INIP: variants seen among roughly 807,000 people sequenced by gnomAD.
INIP encodes the protein SOSS complex subunit C.
In INIP, 9 loss-of-function variants were observed where a neutral mutation model predicts 14.0. The ratio of observed to expected loss-of-function variants is 0.64; its 90% confidence interval spans 0.39 to 1.12. The LOEUF (loss-of-function observed/expected upper bound fraction) is 1.12. Among genes scored for constraint, INIP ranks in the 50% most tolerant of loss-of-function variants. The probability of loss-of-function intolerance (pLI) is 0.01; values close to 1 mark genes in which losing one functional copy is unlikely to be tolerated. For missense variants in INIP, 78 were observed against 122.7 expected, an observed-to-expected ratio of 0.64 and a Z score of 1.72; for synonymous variants, 37 against 41.5, an observed-to-expected ratio of 0.89 and a Z score of 0.41.
intron 2 of INIP, among the ~76,000 whole-genome samples, chr9:112,694,868 T>C (rs1838020139): frequency 6.6e-6 from 1 of 152,194 alleles, no homozygotes; most frequent in Non-Finnish European, 1.5e-5. Context: ...CTTTGTCAAA[T>C]ACTTAATACT....
chr9:112,704,098 A>T (rs552658930), intron 2 of INIP, among the ~76,000 whole-genome samples: 2 of 152,314 alleles, frequency 1.3e-5, no homozygotes, highest in East Asian at 3.9e-4. Context: ...AGGGTAGGGT[A>T]GTTACAAAGA....
chr9:112,695,946 G>A lies in INIP; in HGVS notation c.26-1713C>T, dbSNP rs143999422. Reference sequence around the variant, plus strand: ...TCTGTAGCCCAGACTGGAGTGCAGTGGTGTGATCATATCTCACTGCAGCCT... The same window carrying A: ...TCTGTAGCCCAGACTGGAGTGCAGTAGTGTGATCATATCTCACTGCAGCCT... On this transcript the variant is annotated intron_variant, in intron 2 of 4. Coordinates refer to ENST00000374242, the MANE Select transcript of INIP (RefSeq NM_021218.3). 2.0e-5 allele frequency among the ~76,000 whole-genome samples: 3 copies of A among 152,200 alleles called. No individual in the cohort carries two copies. In the East Asian group the frequency reaches 5.8e-4, roughly 29 times the overall value.
chr9:112,700,927 C>A (rs186365301), intron 2 of INIP, among the ~76,000 whole-genome samples: 1 of 151,824 alleles, frequency 6.6e-6, no homozygotes, highest in Admixed American at 6.6e-5. Flanking sequence ...TTCCAACCTG[C>A]GCAAAAGAGA....
intron 2 of INIP, among the ~76,000 whole-genome samples, chr9:112,713,756 C>T (rs560507705): frequency 1.4e-4 from 21 of 152,098 alleles, no homozygotes; most frequent in South Asian, 1.3e-3. Context: ...TTTGGGAGGC[C>T]GAGGCAGGCG....
In INIP at chr9:112,687,029, A is replaced by G. The variant is rs1423538679; in HGVS notation, c.*509T>C. The G allele has an allele frequency of 2.6e-5, 4 of 152,350 alleles. No homozygotes were observed. The highest frequency in any genetic ancestry group is 7.2e-5 in the African/African-American group (3 of 41,466). The allele number at this position is 152,350 out of a possible 1,614,324, so 9.4% of individuals were successfully genotyped here. A position where few individuals can be genotyped will look rare whatever the true frequency, so the allele number is the denominator to read the frequency against. ...TAAAGTGAAAAAGGGGGAAGTAGTT[A>G]TAAGTCCAGAAAGAATATTTCAGGA... On this transcript the variant is annotated 3_prime_UTR_variant, in exon 5 of 5. Coordinates refer to ENST00000374242, the MANE Select transcript of INIP (RefSeq NM_021218.3).
chr9:112,689,946 T>TATATAGTAAAG (rs1484073805), intron 3 of INIP, among the ~76,000 whole-genome samples: 3 of 152,184 alleles, frequency 2.0e-5, no homozygotes, highest in African/African-American at 7.2e-5. Flanking sequence ...ATAGTAAATC[T>TATATAGTAAAG]CTTAAAGAGA....
chr9:112,699,877 T>G (rs1838234270), intron 2 of INIP, among the ~76,000 whole-genome samples: 1 of 152,164 alleles, frequency 6.6e-6, no homozygotes. Flanking sequence ...TCATAATTTC[T>G]TGGTTCACAG....
chr9:112,693,511 T>C (rs188398684), intron 3 of INIP, among the ~76,000 whole-genome samples: 67 of 152,368 alleles, frequency 4.4e-4, no homozygotes, highest in Admixed American at 1.1e-3. Context: ...GAAGATGCTA[T>C]ATAAGTAGAG....
chr9:112,688,589 G>A (rs372331617), intron 4 of INIP, among the ~76,000 whole-genome samples: 2 of 152,054 alleles, frequency 1.3e-5, no homozygotes, highest in East Asian at 1.9e-4. Context: ...GGGTGACTGA[G>A]GTGGGAGGAT....
chr9:112,694,347 C>A (rs1838004437), intron 2 of INIP, 114 bp from the exon 3 acceptor site: 1 of 647,196 alleles, frequency 1.5e-6, no homozygotes. Flanking sequence ...AACTCCTATT[C>A]TCTAACATGA....
rs545125433 is a variant in INIP, at chr9:112,703,573, A to G, written c.26-9340T>C. ...GTCTCTTTAAAAACAAAACAAAACA[A>G]CAACAACAAGGGAGAGTACTAGTTC... On this transcript the variant is annotated intron_variant, in intron 2 of 4. Coordinates refer to ENST00000374242, the MANE Select transcript of INIP (RefSeq NM_021218.3). Among the ~76,000 whole-genome samples the G allele has an allele frequency of 2.0e-5, 3 of 152,230 alleles. No individual in the cohort carries two copies. In the South Asian group the frequency reaches 6.2e-4, roughly 32 times the overall value.
chr9:112,716,369 C>G, intron 2 of INIP, 92 bp downstream of exon 2: 1 of 1,159,460 alleles, frequency 8.6e-7, no homozygotes, highest in Non-Finnish European at 1.3e-6. Flanking sequence ...ATTCTGGCTA[C>G]AGTAACTGCC....
chr9:112,706,350 G>A (rs1564237305), intron 2 of INIP, among the ~76,000 whole-genome samples: 1 of 152,184 alleles, frequency 6.6e-6, no homozygotes, highest in Non-Finnish European at 1.5e-5. Context: ...CTGGGCTCAA[G>A]CGATCCTCCT....
chr9:112,687,731 C>A, intron 4 of INIP, 98 bp from the exon 5 acceptor site: 1 of 574,690 alleles, frequency 1.7e-6, no homozygotes, highest in Non-Finnish European at 3.0e-6. Context: ...ATGCTTGAGA[C>A]CAAATTTATT....
At chr9:112,717,236 C>G (rs1000649037) in intron 1 of INIP, among the ~76,000 whole-genome samples, 4 of 152,012 alleles carry the variant, frequency 2.6e-5, no homozygotes, top group African/African-American at 9.7e-5. Flanking sequence ...AAACACATAC[C>G]CAAAAACTAC....
chr9:112,715,123 CAT>C (rs1838763604), intron 2 of INIP, among the ~76,000 whole-genome samples: 1 of 128,892 alleles, frequency 7.8e-6, no homozygotes, highest in African/African-American at 3.1e-5. Flanking sequence ...TACACACATA[CAT>C]ACATACATAC....
rs1588090714 is a variant in INIP at position 112,714,637 on chromosome 9, G to A, written c.25+1824C>T. ...TCTGATTTCAAGTAAAAGAGCAAGC[G>A]AACATAGATGTCAGAAGAGGCCATA... On this transcript the variant is annotated intron_variant, in intron 2 of 4. Transcript: ENST00000374242. Among the ~76,000 whole-genome samples, 3 of 152,112 alleles carry A rather than the reference G, an allele frequency of 2.0e-5. No homozygotes were observed. In the East Asian group the frequency reaches 5.8e-4, roughly 29 times the overall value.
At chr9:112,696,141 C>CT (rs1838085694) in intron 2 of INIP, among the ~76,000 whole-genome samples, 1 of 152,104 alleles carries the variant, frequency 6.6e-6, no homozygotes, top group Admixed American at 6.6e-5. Context: ...ATCCTCCCAC[C>CT]TTAGTCTCAC....
chr9:112,705,366 G>A (rs1185667662), intron 2 of INIP, among the ~76,000 whole-genome samples: 1 of 151,874 alleles, frequency 6.6e-6, no homozygotes, highest in African/African-American at 2.4e-5. Flanking sequence ...TGGAGTGCAG[G>A]TGGCATAATC....
Sources: allele counts gnomAD v4.1 joint callset (sites outside exome capture counted in the v4.1 genomes callset), GRCh38; gene constraint gnomAD v4.1.1; transcripts MANE v1.5; gene names NCBI Gene and HGNC (gene_info 2026-07-23, HGNC 2026-07-21).